The following CSNK1G1 variants were observed in gnomAD, a reference collection of about 807,000 sequenced individuals.
CSNK1G1 encodes the protein casein kinase I isoform gamma-1.
In CSNK1G1, 22 loss-of-function variants were observed where a neutral mutation model predicts 59.6. That is an observed-to-expected ratio of 0.37 (90% CI 0.26 to 0.53). The LOEUF (loss-of-function observed/expected upper bound fraction) is 0.53. Among genes scored for constraint, CSNK1G1 ranks in the 20% least tolerant of loss-of-function variants. CSNK1G1 has a pLI of 0.89. For missense variants in CSNK1G1, 384 were observed against 519.5 expected (o/e 0.74, Z 2.54); for synonymous variants, 179 against 177.1 (o/e 1.01, Z -0.08).
chr15:64,235,945 T>C (rs1289416232), intron 4 of CSNK1G1, among the ~76,000 whole-genome samples: 1 of 151,510 alleles, frequency 6.6e-6, no homozygotes, highest in Non-Finnish European at 1.5e-5. Context: ...TAGAAAACTG[T>C]TAGGTAAACA....
chr15:64,307,173 C>T lies in CSNK1G1; in HGVS notation c.-224-6450G>A, dbSNP rs563983267. ...AGTTAATAACGTGTCAATATTGGTT[C>T]GTTAACTACTACAAATGTAGCATAG... On this transcript the variant is annotated intron_variant, in intron 1 of 11. Coordinates refer to ENST00000303052, the MANE Select transcript of CSNK1G1 (RefSeq NM_022048.5). 2.3e-3 allele frequency among the ~76,000 whole-genome samples: 354 copies of T among 151,702 alleles called. 1 individual carries two copies. The highest frequency in any genetic ancestry group is 8.3e-3 in the African/African-American group (341 of 41,320).
chr15:64,301,880 C>T (rs1398474275), intron 1 of CSNK1G1, among the ~76,000 whole-genome samples: 2 of 151,520 alleles, frequency 1.3e-5, no homozygotes, highest in East Asian at 1.9e-4. Flanking sequence ...GAGTGAGACT[C>T]CGTCTCAAAA....
At chr15:64,303,714 C>T (rs1895495632) in intron 1 of CSNK1G1, among the ~76,000 whole-genome samples, 1 of 149,678 alleles carries the variant, frequency 6.7e-6, no homozygotes, top group East Asian at 2.0e-4. Flanking sequence ...CATGCCATTG[C>T]ACTCCAGCCT....
chr15:64,315,482 G>T (rs1177146504), intron 1 of CSNK1G1, among the ~76,000 whole-genome samples: 1 of 152,158 alleles, frequency 6.6e-6, no homozygotes, highest in Non-Finnish European at 1.5e-5. Context: ...TTTTCTAAAC[G>T]ATTGACTCTA....
chr15:64,223,332 T>C (rs2082415061), intron 4 of CSNK1G1, among the ~76,000 whole-genome samples: 2 of 152,140 alleles, frequency 1.3e-5, no homozygotes, highest in Non-Finnish European at 2.9e-5. Context: ...TGCTATGAAA[T>C]CCTTTAATGA....
At chr15:64,173,806 G>T (rs71394544) in intron 11 of CSNK1G1, among the ~76,000 whole-genome samples, 1,595 of 151,848 alleles carry the variant, frequency 0.011, 15 homozygotes, top group Non-Finnish European at 0.015. Context: ...TAGAGACGGG[G>T]TTTCACCATG....
chr15:64,285,939 C>G (rs1022561697), intron 2 of CSNK1G1, among the ~76,000 whole-genome samples: 2 of 151,990 alleles, frequency 1.3e-5, no homozygotes, highest in African/African-American at 4.8e-5. Flanking sequence ...CTATCATGAT[C>G]AAGAACAGGC....
chr15:64,243,074 G>A (rs1432844611), intron 4 of CSNK1G1, among the ~76,000 whole-genome samples: 7 of 151,968 alleles, frequency 4.6e-5, no homozygotes, highest in African/African-American at 1.7e-4. Flanking sequence ...GGTGGCTCTC[G>A]CCTGTAATCC....
At chr15:64,247,101 C>A (rs865885006) in intron 4 of CSNK1G1, among the ~76,000 whole-genome samples, 1 of 152,206 alleles carries the variant, frequency 6.6e-6, no homozygotes, top group East Asian at 1.9e-4. Flanking sequence ...TCCACCAAAT[C>A]TTGTTCCTGT....
intron 10 of CSNK1G1, among the ~76,000 whole-genome samples, chr15:64,201,706 ATGTGTG>A (rs10664838): frequency 0.04 from 5,011 of 126,488 alleles, 105 homozygotes; most frequent in Non-Finnish European, 0.057. Context: ...TCCATTGGAC[ATGTGTG>A]TGTGTGTGTG....
chr15:64,222,887 G>A (rs2082409806), intron 4 of CSNK1G1, among the ~76,000 whole-genome samples: 1 of 152,132 alleles, frequency 6.6e-6, no homozygotes, highest in African/African-American at 2.4e-5. Context: ...GTCTCTTTCA[G>A]AAGTTATTTC....
Position 64,216,637 on chromosome 15 carries a change from A to G in CSNK1G1, c.369T>C (p.Pro123=). The change falls in exon 5 of 12, where the codon CCT becomes CCC. Residue 123 remains proline (P), a synonymous_variant. Transcript: ENST00000303052. The surrounding 1 kb of genome is among the most constrained non-coding windows in gnomAD (Gnocchi z 4.6). ...AGAGGTCAAACAAGTCCTCCAAGCTAGGGCCAAGGAGCTCCAGCACCATGG... is the reference window on the plus strand; with the variant it reads ...AGAGGTCAAACAAGTCCTCCAAGCTGGGGCCAAGGAGCTCCAGCACCATGG... ...YNAMVLELLG[P]SLEDLFDLCD... 6.2e-7 allele frequency: 1 copy of G among 1,613,988 alleles called. No individual in the cohort carries two copies. Among genetic ancestry groups the G allele is most frequent in the East Asian group, 2.2e-5 (1 of 44,888 alleles).
chr15:64,190,657 ACCCGC>A (rs2081958401), intron 10 of CSNK1G1, among the ~76,000 whole-genome samples: 1 of 151,072 alleles, frequency 6.6e-6, no homozygotes, highest in African/African-American at 2.4e-5. Context: ...CAGGTGATCC[ACCCGC>A]CTCGGCCTCC....
intron 11 of CSNK1G1, among the ~76,000 whole-genome samples, chr15:64,173,678 A>G (rs1294058949): frequency 7.3e-6 from 1 of 136,094 alleles, no homozygotes; most frequent in Non-Finnish European, 1.5e-5. Context: ...GCTGGAGTGC[A>G]ATGGCGCCAT....
chr15:64,167,873 G>A lies in CSNK1G1; in HGVS notation c.*4058C>T, dbSNP rs536055186. 7.9e-5 allele frequency: 12 copies of A among 152,346 alleles called. No homozygotes were observed. The highest frequency in any genetic ancestry group is 2.4e-4 in the African/African-American group (10 of 41,578). 9.4% of individuals were successfully genotyped at this position (152,346 alleles called of 1,614,324 possible). On this transcript the variant is annotated 3_prime_UTR_variant, in exon 12 of 12. Transcript: ENST00000303052. ...AAGCCATGCTTGCTCACTGGGAGGA[G>A]GAATGGATTTTATCTTTTACATAAA...
At position 64,214,573 on chromosome 15, in the gene CSNK1G1, C is replaced by T. The variant is rs1181805778; in HGVS notation, c.445-449G>A. Among the ~76,000 whole-genome samples the T allele has an allele frequency of 1.3e-5, 2 of 152,158 alleles. No homozygotes were observed. The highest frequency in any genetic ancestry group is 2.9e-5 in the Non-Finnish European group (2 of 68,026). On this transcript the variant is annotated intron_variant, in intron 5 of 11. Coordinates refer to ENST00000303052, the MANE Select transcript of CSNK1G1 (RefSeq NM_022048.5). This position sits in a 1 kb window ranked among gnomAD's most constrained non-coding sequence, Gnocchi z 4.3. The stretch of plus-strand genomic sequence containing the variant: ...GCTTATTTGGACAAGACTACCCAAC[C>T]CAGTTTTCGATGTTGTGAGGCCCAG...
intron 2 of CSNK1G1, among the ~76,000 whole-genome samples, chr15:64,277,874 AATATTGATATATTTAATATATTG>A (rs1596205963): frequency 4.3e-5 from 6 of 138,760 alleles, no homozygotes; most frequent in East Asian, 3.9e-4. Context: ...ATTTAATAAT[AATATTGATATATTTAATATATTG>A]ATATTGATAT....
intron 2 of CSNK1G1, among the ~76,000 whole-genome samples, chr15:64,294,455 C>A (rs75423963): frequency 0.012 from 1,882 of 152,028 alleles, 29 homozygotes; most frequent in African/African-American, 0.044. Context: ...GAAAATTAAA[C>A]CATCATTACT....
chr15:64,290,332 CACACACACATTTT>C (rs922024357), intron 2 of CSNK1G1, among the ~76,000 whole-genome samples: 33 of 150,508 alleles, frequency 2.2e-4, no homozygotes, highest in African/African-American at 8.2e-4. Context: ...CATACACATA[CACACACACATTTT>C]ACACACACAC....
Sources: allele counts gnomAD v4.1 joint callset (sites outside exome capture counted in the v4.1 genomes callset), GRCh38; gene constraint gnomAD v4.1.1; non-coding constraint Gnocchi (gnomAD v3.1); transcripts MANE v1.5; gene names NCBI Gene and HGNC (gene_info 2026-07-23, HGNC 2026-07-21).